The following HERPUD2 variants were observed in gnomAD, a reference collection of about 807,000 sequenced individuals.
HERPUD2 encodes homocysteine-responsive endoplasmic reticulum-resident ubiquitin-like domain member 2 protein.
HERPUD2 carries 13 observed loss-of-function variants against 49.9 expected under a neutral mutation model. The observed-to-expected ratio is 0.26, with a 90% confidence interval of 0.17 to 0.41. The LOEUF is 0.41. Ranked by LOEUF, HERPUD2 falls within the 10% of genes least tolerant of loss-of-function variation. The pLI is 1.00. For missense variants in HERPUD2, 449 were observed against 492.2 expected (o/e 0.91, Z 0.83); for synonymous variants, 172 against 171.4 (o/e 1.00, Z -0.03).
chr7:35,638,307 TA>T, intron 6 of HERPUD2, 42 bp downstream of exon 6: 1 of 1,523,272 alleles, frequency 6.6e-7, no homozygotes, highest in Non-Finnish European at 8.9e-7. Flanking sequence ...ATAAAGCAAA[TA>T]ACACACTGAG....
At chr7:35,642,784 A>G (rs1784986860) in intron 5 of HERPUD2, among the ~76,000 whole-genome samples, 1 of 152,202 alleles carries the variant, frequency 6.6e-6, no homozygotes, top group South Asian at 2.1e-4. Context: ...AGAGGAGAAT[A>G]ACAGACACTT....
intron 5 of HERPUD2, among the ~76,000 whole-genome samples, chr7:35,655,446 A>C (rs1785257217): frequency 6.6e-6 from 1 of 152,242 alleles, no homozygotes; most frequent in Non-Finnish European, 1.5e-5. Flanking sequence ...ATGATACATC[A>C]CATCAACAGA....
intron 4 of HERPUD2, among the ~76,000 whole-genome samples, chr7:35,668,001 GT>G (rs940642552): frequency 3.2e-4 from 48 of 152,170 alleles, no homozygotes; most frequent in African/African-American, 1.1e-3. Context: ...CATTTAAACA[GT>G]TACTATGTGC....
chr7:35,640,392 T>C (rs986274631), intron 5 of HERPUD2, among the ~76,000 whole-genome samples: 38 of 152,198 alleles, frequency 2.5e-4, no homozygotes, highest in Non-Finnish European at 1.2e-4. Flanking sequence ...GTCACTGTTT[T>C]TAAAGCTCAA....
intron 5 of HERPUD2, among the ~76,000 whole-genome samples, chr7:35,661,063 T>C (rs1785408240): frequency 6.6e-6 from 1 of 152,212 alleles, no homozygotes; most frequent in Non-Finnish European, 1.5e-5. Context: ...GTACAAGGTG[T>C]AAGGAAGGGA....
At chr7:35,655,646 C>A (rs1325896144) in intron 5 of HERPUD2, among the ~76,000 whole-genome samples, 2 of 152,134 alleles carry the variant, frequency 1.3e-5, no homozygotes, top group East Asian at 3.8e-4. Context: ...AGGATCCCCA[C>A]TTTCACCAGT....
intron 3 of HERPUD2, among the ~76,000 whole-genome samples, chr7:35,672,162 G>A (rs1271251748): frequency 6.6e-6 from 1 of 151,888 alleles, no homozygotes; most frequent in African/African-American, 2.4e-5. Context: ...GTGGGATGCT[G>A]ATAGTGGGGC....
At chr7:35,642,973 T>A (rs1173546946) in intron 5 of HERPUD2, among the ~76,000 whole-genome samples, 2 of 152,166 alleles carry the variant, frequency 1.3e-5, no homozygotes, top group Admixed American at 1.3e-4. Context: ...TCAAAAAGCT[T>A]TGCTCTTATG....
intron 3 of HERPUD2, among the ~76,000 whole-genome samples, chr7:35,672,590 C>A (rs376598037): frequency 6.6e-6 from 1 of 151,952 alleles, no homozygotes; most frequent in East Asian, 1.9e-4. Context: ...TTCTGCTATA[C>A]CCACCAACAA....
At chr7:35,647,504 A>G (rs1785077874) in intron 5 of HERPUD2, among the ~76,000 whole-genome samples, 1 of 152,212 alleles carries the variant, frequency 6.6e-6, no homozygotes, top group Non-Finnish European at 1.5e-5. Flanking sequence ...ATGAAGTCAC[A>G]GGGTCTTCAT....
intron 3 of HERPUD2, among the ~76,000 whole-genome samples, chr7:35,671,262 T>C (rs912208232): frequency 6.6e-6 from 1 of 152,098 alleles, no homozygotes; most frequent in South Asian, 2.1e-4. Flanking sequence ...GTTAAGAGGG[T>C]AGACTAGTGC....
In HERPUD2 at chr7:35,633,490, T is replaced by TAAAA; in HGVS notation, c.*199_*200insTTTT. 5 of 405,478 alleles carry TAAAA rather than the reference T, an allele frequency of 1.2e-5. No homozygotes were observed. The highest frequency in any genetic ancestry group is 7.0e-4 in the Middle Eastern group (1 of 1,426). The allele number at this position is 405,478 out of a possible 1,614,324, so 25.1% of individuals were successfully genotyped here. On this transcript the variant is annotated 3_prime_UTR_variant, in exon 9 of 9. Transcript: ENST00000311350. ...GTTACGCTATGTTCTGTTAGGATCT[T>TAAAA]TAAAAAAAAAAAAAAAAAACTCAGA...
chr7:35,683,756 T>C (rs140149233), intron 2 of HERPUD2, among the ~76,000 whole-genome samples: 2,012 of 151,938 alleles, frequency 0.013, 46 homozygotes, highest in African/African-American at 0.047. Context: ...GCTAAGGACA[T>C]GACAATTCTC....
At chr7:35,640,573 A>G (rs1784953820) in intron 5 of HERPUD2, among the ~76,000 whole-genome samples, 1 of 152,224 alleles carries the variant, frequency 6.6e-6, no homozygotes, top group South Asian at 2.1e-4. Flanking sequence ...AATAAGTTAG[A>G]AAACTACTGG....
intron 2 of HERPUD2, among the ~76,000 whole-genome samples, chr7:35,673,862 T>C (rs1215176036): frequency 6.6e-6 from 1 of 152,158 alleles, no homozygotes; most frequent in Non-Finnish European, 1.5e-5. Context: ...CAAATACCTT[T>C]GTTAAGTTTT....
At chr7:35,674,442 GA>G (rs1785715400) in intron 2 of HERPUD2, among the ~76,000 whole-genome samples, 1 of 130,540 alleles carries the variant, frequency 7.7e-6, no homozygotes. Context: ...GAGAGAGAGA[GA>G]GAGAGAGAGA....
chr7:35,667,358 G>A, intron 5 of HERPUD2, 76 bp downstream of exon 5: 1 of 1,266,552 alleles, frequency 7.9e-7, no homozygotes, highest in South Asian at 1.3e-5. Context: ...CTGCAAAGAG[G>A]CTATAGTGAA....
rs188696481 is a variant in HERPUD2, at chr7:35,679,749, G to C, written c.148-6471C>G. Among the ~76,000 whole-genome samples, 26 of 152,282 alleles carry C rather than the reference G, an allele frequency of 1.7e-4. No homozygotes were observed. In the East Asian group the frequency reaches 3.9e-3, roughly 23 times the overall value. On this transcript the variant is annotated intron_variant, in intron 2 of 8. Coordinates refer to ENST00000311350, the MANE Select transcript of HERPUD2 (RefSeq NM_022373.5). ...AGATTCATATACCCAACTGCTATGAGATTTGACATCTTCATATATTTTAAT... is the reference window on the plus strand; with the variant it reads ...AGATTCATATACCCAACTGCTATGACATTTGACATCTTCATATATTTTAAT...
In HERPUD2 at chr7:35,673,071, T is replaced by C. The variant is rs1296071435; in HGVS notation, c.225+130A>G. The C allele has an allele frequency of 7.3e-5, 45 of 614,422 alleles. No homozygotes were observed. In the East Asian group the frequency reaches 1.2e-3, roughly 16 times the overall value. The allele number at this position is 614,422 out of a possible 1,614,324, so 38.1% of individuals were successfully genotyped here. On this transcript the variant is annotated intron_variant, in intron 3 of 8. Coordinates refer to ENST00000311350, the MANE Select transcript of HERPUD2 (RefSeq NM_022373.5). ...ATCATGTTACTTTCTAATTTATCTTTACTTGTTACACCACGCAAAGGGATT... is the reference window on the plus strand; with the variant it reads ...ATCATGTTACTTTCTAATTTATCTTCACTTGTTACACCACGCAAAGGGATT...
Sources: allele counts gnomAD v4.1 joint callset (sites outside exome capture counted in the v4.1 genomes callset), GRCh38; gene constraint gnomAD v4.1.1; transcripts MANE v1.5; gene names NCBI Gene and HGNC (gene_info 2026-07-23, HGNC 2026-07-21).